Variants in RBFOX2 observed in about 807,000 individuals in gnomAD.
RBFOX2 encodes the protein RNA binding fox-1 homolog 2, also known as RNA binding protein fox-1 homolog 2.
A neutral mutation model predicts 49.1 loss-of-function variants in RBFOX2; 10 were observed. The observed-to-expected ratio is 0.20, with a 90% CI of 0.13 to 0.35. RBFOX2 has a LOEUF of 0.35. RBFOX2 is among the 10% of genes least tolerant of loss of function. RBFOX2 has a pLI of 1.00. For synonymous variants in RBFOX2, 183 were observed against 187.4 expected, an observed-to-expected ratio of 0.98 and a Z score of 0.19; for missense variants, 323 against 486.9, an observed-to-expected ratio of 0.66 and a Z score of 3.17.
intron 1 of RBFOX2, among the ~76,000 whole-genome samples, chr22:35,974,157 T>A (rs1473963958): frequency 6.6e-6 from 1 of 152,226 alleles, no homozygotes. Flanking sequence ...GTCAGGATTC[T>A]TCGTGGCAAA....
chr22:35,898,028 C>G, intron 1 of RBFOX2: 1 of 725,532 alleles, frequency 1.4e-6, no homozygotes, highest in Non-Finnish European at 2.6e-6. Flanking sequence ...AGATTTATGA[C>G]CACATTGCTG....
intron 2 of RBFOX2, among the ~76,000 whole-genome samples, chr22:35,800,936 A>G (rs1198791375): frequency 1.3e-5 from 2 of 152,228 alleles, no homozygotes; most frequent in Non-Finnish European, 2.9e-5. Flanking sequence ...AAAGTCCAGG[A>G]AGGCTTTTCA....
At chr22:35,830,870 AAGG>A (rs1287403082) in intron 1 of RBFOX2, among the ~76,000 whole-genome samples, 1 of 152,176 alleles carries the variant, frequency 6.6e-6, no homozygotes, top group African/African-American at 2.4e-5. Flanking sequence ...GGAAGTAAAG[AAGG>A]AGAAGAATCT....
At chr22:35,858,826 C>CAA (rs771614258) in intron 1 of RBFOX2, among the ~76,000 whole-genome samples, 51 of 53,600 alleles carry the variant, frequency 9.5e-4, no homozygotes, top group African/African-American at 2.4e-3. Flanking sequence ...GACTCTGTCT[C>CAA]AAAAAAAAAA....
intron 1 of RBFOX2, among the ~76,000 whole-genome samples, chr22:35,936,357 C>G (rs1175279352): frequency 6.6e-6 from 1 of 151,878 alleles, no homozygotes; most frequent in Non-Finnish European, 1.5e-5. Flanking sequence ...GTAAAGATCA[C>G]AAGTTCCATT....
At chr22:35,960,050 G>T (rs915578598) in intron 1 of RBFOX2, among the ~76,000 whole-genome samples, 1 of 151,936 alleles carries the variant, frequency 6.6e-6, no homozygotes, top group African/African-American at 2.4e-5. Flanking sequence ...TCAATCCGTG[G>T]TTGGTTGAAT....
At chr22:35,807,582 A>G (rs1951011180) in intron 2 of RBFOX2, among the ~76,000 whole-genome samples, 1 of 152,078 alleles carries the variant, frequency 6.6e-6, no homozygotes, top group Non-Finnish European at 1.5e-5. Context: ...ATCATATTTT[A>G]CGGTATGCAG....
intron 1 of RBFOX2, among the ~76,000 whole-genome samples, chr22:35,924,138 C>T (rs1462163595): frequency 6.6e-6 from 1 of 152,146 alleles, no homozygotes. Flanking sequence ...TTATACAGTG[C>T]CTGCACATAG....
intron 1 of RBFOX2, among the ~76,000 whole-genome samples, chr22:35,853,644 CAT>C (rs894744344): frequency 6.9e-6 from 1 of 144,434 alleles, no homozygotes; most frequent in African/African-American, 2.5e-5. Flanking sequence ...CATACATATA[CAT>C]ATATATACAC....
At chr22:35,954,349 C>T (rs531345748) in intron 1 of RBFOX2, among the ~76,000 whole-genome samples, 47 of 152,292 alleles carry the variant, frequency 3.1e-4, no homozygotes, top group Middle Eastern at 3.4e-3. Flanking sequence ...AAGTACACAA[C>T]AACTGTCAAG....
intron 4 of RBFOX2, 144 bp downstream of exon 5, chr22:35,777,881 T>C: frequency 1.2e-6 from 1 of 805,278 alleles, no homozygotes. Context: ...AGCTTATTTT[T>C]AGAGATAATC....
intron 1 of RBFOX2, among the ~76,000 whole-genome samples, chr22:36,002,048 G>C (rs1342395498): frequency 1.3e-5 from 2 of 152,154 alleles, no homozygotes; most frequent in African/African-American, 4.8e-5. Flanking sequence ...TGGATGACAA[G>C]AGTGAGACTC....
chr22:35,797,689 A>C (rs189579825), intron 2 of RBFOX2, among the ~76,000 whole-genome samples: 65 of 152,338 alleles, frequency 4.3e-4, no homozygotes, highest in African/African-American at 1.5e-3. Context: ...AAGCAAATAT[A>C]GTGAAAACAG....
chr22:35,824,092 T>C (rs1176440390), intron 1 of RBFOX2, among the ~76,000 whole-genome samples: 1 of 151,650 alleles, frequency 6.6e-6, no homozygotes, highest in Non-Finnish European at 1.5e-5. Context: ...GAGGTCACAG[T>C]GAGCCGAGAT....
At chr22:35,897,502 G>T (rs2048004502) in intron 1 of RBFOX2, 2 of 821,686 alleles carry the variant, frequency 2.4e-6, no homozygotes, top group South Asian at 1.3e-5. Flanking sequence ...GCTACCCACT[G>T]ATAGGCAAAA....
chr22:35,908,334 A>T (rs1174670443), intron 1 of RBFOX2, among the ~76,000 whole-genome samples: 8 of 152,210 alleles, frequency 5.3e-5, no homozygotes, highest in Admixed American at 5.2e-4. Context: ...AAATATAGTA[A>T]GTCAAAAATG....
intron 1 of RBFOX2, among the ~76,000 whole-genome samples, chr22:36,001,180 AACATACACACACAC>A (rs1244008961): frequency 1.4e-4 from 12 of 84,856 alleles, no homozygotes; most frequent in African/African-American, 5.0e-4. Flanking sequence ...CTGGCCCCAA[AACATACACACACAC>A]ACACACACAC....
intron 1 of RBFOX2, among the ~76,000 whole-genome samples, chr22:35,885,843 A>ATTTTTTTTTTTTTTTTTTTT (rs538674450): frequency 1.2e-5 from 1 of 83,146 alleles, no homozygotes; most frequent in African/African-American, 5.3e-5. Context: ...CCCAAACCTA[A>ATTTTTTTTTTTTTTTTTTTT]TTTTTTTTTT....
chr22:35,769,462 C>T (rs952617158), intron 4 of RBFOX2, among the ~76,000 whole-genome samples: 2 of 152,160 alleles, frequency 1.3e-5, no homozygotes, highest in African/African-American at 2.4e-5. Context: ...TTACTATATA[C>T]TTATATGACT....
Sources: allele counts gnomAD v4.1 joint callset (sites outside exome capture counted in the v4.1 genomes callset), GRCh38; gene constraint gnomAD v4.1.1; transcripts MANE v1.5; gene names NCBI Gene and HGNC (gene_info 2026-07-23, HGNC 2026-07-21).